The following PAGE2B variants were observed in gnomAD, a reference collection of about 807,000 sequenced individuals.
PAGE2B encodes the protein PAGE family member 2B, also known as putative G antigen family E member 3.
PAGE2B carries 5 observed loss-of-function variants against 7.6 expected under a neutral mutation model. That is an observed-to-expected ratio of 0.66 (90% CI 0.34 to 1.38). The LOEUF is 1.38. PAGE2B is among the 40% of genes most tolerant of loss of function. The pLI is 0.04. For missense variants in PAGE2B, 70 were observed against 78.4 expected (o/e 0.89, Z 0.41); for synonymous variants, 29 against 26.7 (o/e 1.09, Z -0.27).
chrX:55,031,773 T>A, the PAGE2B span, among the ~76,000 whole-genome samples: 1 of 111,223 alleles, frequency 9.0e-6, no homozygotes. Context: ...TACCTTCTCC[T>A]CCCTTTTTCA....
the PAGE2B span, among the ~76,000 whole-genome samples, chrX:55,034,931 T>C: frequency 1.8e-5 from 2 of 110,428 alleles, no homozygotes; most frequent in Non-Finnish European, 3.8e-5. Context: ...GCTGAAGAAC[T>C]TGGAGTCCAA....
chrX:55,040,498 C>T, the PAGE2B span, among the ~76,000 whole-genome samples: 1 of 111,740 alleles, frequency 8.9e-6, no homozygotes, highest in Non-Finnish European at 1.9e-5. Context: ...AATTCTGACA[C>T]ATGCTACAAC....
the PAGE2B span, among the ~76,000 whole-genome samples, chrX:55,063,397 T>C: frequency 9.0e-6 from 1 of 111,695 alleles, no homozygotes; most frequent in South Asian, 3.8e-4. Context: ...ATGCTACTGA[T>C]TTTTGTATGT....
the PAGE2B span, chrX:55,030,933 A>T: frequency 2.9e-6 from 1 of 342,085 alleles, no homozygotes; most frequent in African/African-American, 2.6e-5. Context: ...GGCTGAAAGC[A>T]GCTCTTACCT....
chrX:55,048,631 C>G, the PAGE2B span, among the ~76,000 whole-genome samples: 1 of 111,530 alleles, frequency 9.0e-6, no homozygotes, highest in Admixed American at 9.6e-5. Flanking sequence ...TATAAGAATG[C>G]TTGTGATTTT....
upstream of PAGE2B, among the ~76,000 whole-genome samples, chrX:55,073,535 T>C (rs961573503): frequency 1.8e-5 from 2 of 112,131 alleles, no homozygotes; most frequent in African/African-American, 6.5e-5. Context: ...CCATCCCATA[T>C]GAATTTTAAA....
the PAGE2B span, chrX:55,031,098 G>A: frequency 1.1e-5 from 3 of 282,613 alleles, no homozygotes; most frequent in Admixed American, 1.2e-4. Context: ...TTCCTTGCTA[G>A]AGATAAAACC....
the PAGE2B span, among the ~76,000 whole-genome samples, chrX:55,052,242 G>T: frequency 4.2e-3 from 478 of 112,517 alleles, 4 homozygotes; most frequent in African/African-American, 0.015. Flanking sequence ...TCCCAGTTAG[G>T]CTACTCATGG....
the PAGE2B span, among the ~76,000 whole-genome samples, chrX:55,058,324 G>GGTGT: frequency 1.8e-5 from 2 of 109,016 alleles, no homozygotes; most frequent in Non-Finnish European, 3.8e-5. Context: ...TTTGAGTAGT[G>GGTGT]GTGTGTGTGT....
At chrX:55,062,240 C>G in the PAGE2B span, among the ~76,000 whole-genome samples, 1 of 111,531 alleles carries the variant, frequency 9.0e-6, no homozygotes, top group Non-Finnish European at 1.9e-5. Flanking sequence ...TCCCTTTTCT[C>G]CACATCCTCA....
chrX:55,034,767 A>T, the PAGE2B span, among the ~76,000 whole-genome samples: 1 of 108,756 alleles, frequency 9.2e-6, no homozygotes, highest in African/African-American at 3.4e-5. Flanking sequence ...GAGTTTATAT[A>T]TAACTCTCAT....
At chrX:55,047,054 A>G in the PAGE2B span, among the ~76,000 whole-genome samples, 1 of 110,447 alleles carries the variant, frequency 9.1e-6, no homozygotes, top group Non-Finnish European at 1.9e-5. Flanking sequence ...CATTAGGTAT[A>G]TCTCCTAATG....
chrX:55,037,657 G>A, the PAGE2B span, among the ~76,000 whole-genome samples: 1 of 110,729 alleles, frequency 9.0e-6, no homozygotes. Context: ...CAACCCAAAT[G>A]TCCAACAATG....
At chrX:55,032,759 C>A in the PAGE2B span, among the ~76,000 whole-genome samples, 1 of 111,967 alleles carries the variant, frequency 8.9e-6, no homozygotes, top group Non-Finnish European at 1.9e-5. Flanking sequence ...TATAGCATGT[C>A]AGGTGTGGTG....
At chrX:55,048,166 T>C in the PAGE2B span, among the ~76,000 whole-genome samples, 5 of 111,976 alleles carry the variant, frequency 4.5e-5, no homozygotes, top group African/African-American at 1.6e-4. Flanking sequence ...TTCTGTTCCA[T>C]TGGTCTTTAT....
chrX:55,052,812 T>C, the PAGE2B span, among the ~76,000 whole-genome samples: 2 of 112,700 alleles, frequency 1.8e-5, no homozygotes, highest in African/African-American at 6.4e-5. Flanking sequence ...CTGCACCCAC[T>C]GTCCGACACT....
chrX:55,041,241 C>T, the PAGE2B span, among the ~76,000 whole-genome samples: 1 of 108,075 alleles, frequency 9.3e-6, no homozygotes, highest in Non-Finnish European at 1.9e-5. Context: ...GCCACCATGC[C>T]CGGCTAATTT....
the PAGE2B span, among the ~76,000 whole-genome samples, chrX:55,046,741 A>G: frequency 8.0e-5 from 9 of 111,936 alleles, no homozygotes; most frequent in South Asian, 3.0e-3. Flanking sequence ...CAGCAGAGTG[A>G]CATGGCCATA....
the PAGE2B span, among the ~76,000 whole-genome samples, chrX:55,069,709 T>A: frequency 9.0e-6 from 1 of 111,723 alleles, no homozygotes; most frequent in Admixed American, 9.5e-5. Flanking sequence ...AATTGCTGCC[T>A]CAATTTCAGA....
Sources: gnomAD v4.1 joint callset for allele counts (sites outside exome capture counted in the v4.1 genomes callset) on GRCh38, gnomAD v4.1.1 for gene constraint, MANE v1.5 for transcripts, NCBI Gene and HGNC (gene_info 2026-07-23, HGNC 2026-07-21) for gene names.